LRP1B: variants seen among roughly 807,000 people sequenced by gnomAD.
The protein encoded by LRP1B is low-density lipoprotein receptor-related protein 1B.
A neutral mutation model predicts 556.6 loss-of-function variants in LRP1B; 217 were observed. That is an observed-to-expected ratio of 0.39 (90% CI 0.35 to 0.44). LRP1B has a LOEUF of 0.44. Ranked by LOEUF, LRP1B falls within the 20% of genes least tolerant of loss-of-function variation. The probability of loss-of-function intolerance (pLI) is 1.00; values close to 1 mark genes in which losing one functional copy is unlikely to be tolerated. For missense variants in LRP1B, 5,053 were observed against 5,620.8 expected (o/e 0.90, Z 3.23); for synonymous variants, 2,047 against 1,865.8 (o/e 1.10, Z -2.50).
In LRP1B at chr2:141,555,981, G is replaced by A. The variant is rs547253670; in HGVS notation, c.206-75448C>T. On this transcript the variant is annotated intron_variant, in intron 2 of 90. Coordinates refer to ENST00000389484, the MANE Select transcript of LRP1B (RefSeq NM_018557.3). ...GTTTTGTTTAAAGTGAAGACTTTCC[G>A]TTTTCTGTTTGTTTATGGCCGCTAC... Among the ~76,000 whole-genome samples, 8 of 151,724 alleles carry A rather than the reference G, an allele frequency of 5.3e-5. No homozygotes were observed. The East Asian group carries it at 9.7e-4, about 18-fold the overall frequency.
At chr2:141,464,482 G>A (rs1211719989) in intron 3 of LRP1B, among the ~76,000 whole-genome samples, 3 of 149,232 alleles carry the variant, frequency 2.0e-5, no homozygotes, top group Non-Finnish European at 4.4e-5. Context: ...GCATGATCTC[G>A]GCTCACTGCA....
chr2:140,783,416 G>A (rs1156632453), intron 32 of LRP1B, among the ~76,000 whole-genome samples: 3 of 151,976 alleles, frequency 2.0e-5, no homozygotes, highest in African/African-American at 7.2e-5. Context: ...TTTTAACTGG[G>A]TGTCTTGTAT....
chr2:141,716,848 C>T (rs1415318190), intron 2 of LRP1B, among the ~76,000 whole-genome samples: 3 of 152,144 alleles, frequency 2.0e-5, no homozygotes, highest in Non-Finnish European at 4.4e-5. Flanking sequence ...CCTGTGTCTA[C>T]TAGTCTTGAT....
At chr2:141,479,566 C>T (rs10204413) in intron 3 of LRP1B, among the ~76,000 whole-genome samples, 78,374 of 151,916 alleles carry the variant, frequency 0.52, 20,415 homozygotes, top group Non-Finnish European at 0.56. Context: ...AGCTTCAATA[C>T]CCTTTGTGTT....
rs150785065 is a variant in LRP1B at position 140,428,790 on chromosome 2, G to A, written c.10414+13714C>T. ...CTCCATAACTGTTGTGCGTATTGAC[G>A]GCCAGGCTTCTAAACCTCTTTAAAC... On this transcript the variant is annotated intron_variant, in intron 66 of 90. Transcript: ENST00000389484. 1.4e-4 allele frequency among the ~76,000 whole-genome samples: 22 copies of A among 152,174 alleles called. No homozygotes were observed. In the East Asian group the frequency reaches 2.3e-3, roughly 16 times the overall value.
chr2:141,731,212 T>C (rs1335247786), intron 2 of LRP1B, among the ~76,000 whole-genome samples: 1 of 152,138 alleles, frequency 6.6e-6, no homozygotes, highest in African/African-American at 2.4e-5. Context: ...ACCTGGAGCA[T>C]GGCCCCCAAA....
intron 84 of LRP1B, among the ~76,000 whole-genome samples, chr2:140,288,191 T>A (rs537980497): frequency 6.6e-6 from 1 of 150,978 alleles, no homozygotes; most frequent in African/African-American, 2.4e-5. Context: ...ACATACTGAC[T>A]CATAGTCTCT....
intron 27 of LRP1B, among the ~76,000 whole-genome samples, chr2:140,866,549 A>G (rs1371719385): frequency 6.6e-6 from 1 of 152,094 alleles, no homozygotes; most frequent in Non-Finnish European, 1.5e-5. Context: ...AGAAACTCCC[A>G]TGTAGCAAAG....
rs1039686177 is a variant in LRP1B at position 141,550,399 on chromosome 2, C to T, written c.206-69866G>A. On this transcript the variant is annotated intron_variant, in intron 2 of 90. Transcript: ENST00000389484. The stretch of plus-strand genomic sequence containing the variant: ...TTTAAATTTTTCTCATTCTACAATA[C>T]GTAGAACTATTGCCATTTGTAAACA... Among the ~76,000 whole-genome samples the T allele has an allele frequency of 8.5e-5, 13 of 152,164 alleles. No individual in the cohort carries two copies. In the East Asian group the frequency reaches 1.7e-3, roughly 20 times the overall value.
At chr2:142,068,570 G>A (rs1705192251) in intron 1 of LRP1B, among the ~76,000 whole-genome samples, 1 of 150,450 alleles carries the variant, frequency 6.6e-6, no homozygotes, top group Non-Finnish European at 1.5e-5. Flanking sequence ...CCATTCCCTT[G>A]TATTGATGAT....
rs13398598 is a variant in LRP1B, at chr2:140,539,178, C to T, written c.7513+1795G>A. Among the ~76,000 whole-genome samples the T allele has an allele frequency of 8.1e-3, 1,238 of 152,170 alleles. 8 individuals carry two copies. Among genetic ancestry groups the T allele is most frequent in the East Asian group, 0.034 (174 of 5,166 alleles). ...CAGTTATGACAACAAATGGTTTTCC[C>T]TCCTTTGCCCTCAGGTAGGTGTTAG... On this transcript the variant is annotated intron_variant, in intron 45 of 90. Coordinates refer to ENST00000389484, the MANE Select transcript of LRP1B (RefSeq NM_018557.3).
At chr2:141,950,201 TTTATC>T (rs2105032047) in intron 1 of LRP1B, among the ~76,000 whole-genome samples, 1 of 152,270 alleles carries the variant, frequency 6.6e-6, no homozygotes, top group South Asian at 2.1e-4. Flanking sequence ...TGTTAAATAT[TTTATC>T]TTATTTTCCA....
At chr2:141,749,020 T>C (rs748509967) in intron 2 of LRP1B, among the ~76,000 whole-genome samples, 4 of 152,200 alleles carry the variant, frequency 2.6e-5, no homozygotes, top group Non-Finnish European at 5.9e-5. Flanking sequence ...TTTGTCTAAA[T>C]CTGTAATCAA....
chr2:140,407,694 A>G (rs574854946), intron 66 of LRP1B, among the ~76,000 whole-genome samples: 107 of 152,170 alleles, frequency 7.0e-4, no homozygotes, highest in Middle Eastern at 3.4e-3. Context: ...GTTGCTGTGG[A>G]TGTGGTGAAA....
intron 7 of LRP1B, among the ~76,000 whole-genome samples, chr2:141,064,985 C>A (rs949810935): frequency 6.6e-6 from 1 of 151,804 alleles, no homozygotes; most frequent in African/African-American, 2.4e-5. Context: ...CCCTGAGAGA[C>A]AAAAGTACCA....
chr2:140,941,227 A>G (rs1164674579), intron 20 of LRP1B, among the ~76,000 whole-genome samples: 1 of 152,196 alleles, frequency 6.6e-6, no homozygotes, highest in African/African-American at 2.4e-5. Context: ...TCATCACTAT[A>G]GAACTCCTTT....
intron 24 of LRP1B, among the ~76,000 whole-genome samples, chr2:140,884,279 G>A (rs1220366450): frequency 6.6e-6 from 1 of 151,972 alleles, no homozygotes; most frequent in African/African-American, 2.4e-5. Flanking sequence ...CAGCTCTGAG[G>A]CTAATAACAA....
intron 3 of LRP1B, among the ~76,000 whole-genome samples, chr2:141,476,186 C>T (rs1322134595): frequency 3.9e-5 from 6 of 152,190 alleles, no homozygotes; most frequent in Non-Finnish European, 2.9e-5. Context: ...AGATGAGCCA[C>T]AACTCTGTCG....
At chr2:140,671,838 G>A (rs1685496850) in intron 41 of LRP1B, among the ~76,000 whole-genome samples, 1 of 152,056 alleles carries the variant, frequency 6.6e-6, no homozygotes, top group South Asian at 2.1e-4. Context: ...GTATCTTTTG[G>A]GAGCCATCAT....
Sources: allele counts gnomAD v4.1 joint callset (sites outside exome capture counted in the v4.1 genomes callset), GRCh38; gene constraint gnomAD v4.1.1; transcripts MANE v1.5; gene names NCBI Gene and HGNC (gene_info 2026-07-23, HGNC 2026-07-21).